TEP1: variants seen among roughly 807,000 people sequenced by gnomAD.
TEP1 encodes the protein telomerase protein component 1.
TEP1 carries 241 observed loss-of-function variants against 306.3 expected under a neutral mutation model. That is an observed-to-expected ratio of 0.79 (90% CI 0.71 to 0.88). TEP1 has a LOEUF of 0.88. Ranked by LOEUF, TEP1 falls within the 40% of genes least tolerant of loss-of-function variation. The pLI is 0.00. For missense variants in TEP1, 3,051 were observed against 3,276.1 expected (o/e 0.93, Z 1.68); for synonymous variants, 1,289 against 1,305.5 (o/e 0.99, Z 0.27).
At chr14:20,387,561 A>C (rs879631375) in intron 18 of TEP1, among the ~76,000 whole-genome samples, 2 of 151,670 alleles carry the variant, frequency 1.3e-5, no homozygotes, top group Admixed American at 6.6e-5. Context: ...CAAAAAAAAA[A>C]AGAAATTAAG....
At position 20,383,350 on chromosome 14, in the gene TEP1, C is replaced by T; in HGVS notation, c.3871G>A (p.Val1291Ile). 1.9e-6 allele frequency: 3 copies of T among 1,604,834 alleles called. No homozygotes were observed. The highest frequency in any genetic ancestry group is 1.1e-5 in the South Asian group (1 of 89,936). The change falls in exon 27 of 55, where the codon GTA becomes ATA. Residue 1291 changes from valine to isoleucine, a missense_variant. Val to Ile is a conservative substitution (Grantham distance 29). This residue lies in a region of TEP1 where 1,540 missense variants were observed against 1,705.9 expected (regional missense o/e 0.90). Transcript: ENST00000262715. The stretch of plus-strand genomic sequence containing the variant: ...CTAGACACACTCAGCACCAGGTGTA[C>T]ACACTGTGATATTTGGGCAAAGGGG... The part of the protein sequence containing the change: ...DWIPKKLPRC[V>I]HLVLSVSSDA...
intron 42 of TEP1, 74 bp downstream of exon 42, chr14:20,376,030 G>A (rs1885153236): frequency 1.3e-6 from 2 of 1,568,822 alleles, no homozygotes; most frequent in African/African-American, 1.4e-5. Flanking sequence ...GGAAGCAATG[G>A]GAAATGGGTT....
At chr14:20,396,505 T>C (rs1878211798) in intron 10 of TEP1, 116 bp downstream of exon 10, 1 of 752,804 alleles carries the variant, frequency 1.3e-6, no homozygotes, top group East Asian at 2.8e-5. Context: ...TGGAAACAGC[T>C]TGAGGGCCGT....
Position 20,393,369 on chromosome 14 carries a change from T to A in TEP1, c.1929-1602A>T, listed in dbSNP as rs767496059. Among the ~76,000 whole-genome samples the A allele has an allele frequency of 4.6e-5, 7 of 152,220 alleles. No homozygotes were observed. The South Asian group carries it at 6.2e-4, about 13-fold the overall frequency. On this transcript the variant is annotated intron_variant, in intron 12 of 54. Coordinates refer to ENST00000262715, the MANE Select transcript of TEP1 (RefSeq NM_007110.5). The stretch of plus-strand genomic sequence containing the variant: ...TTTTTTAATCTAGCAAAATCAGTAG[T>A]CTTCCCAGCACTATCCAATAGAATT...
chr14:20,381,959 G>A lies in TEP1; in HGVS notation c.4378C>T (p.Pro1460Ser), dbSNP rs1005350165. The A allele has an allele frequency of 1.2e-5, 19 of 1,613,994 alleles. No individual in the cohort carries two copies. In the Admixed American group the frequency reaches 1.3e-4, roughly 11 times the overall value. The stretch of plus-strand genomic sequence containing the variant: ...CAGGCAAACGGGCCCATGGGGTAGG[G>A]GTCTCCACTGTTACCAGCAGCCACT... The part of the protein sequence containing the change: ...EAVAAGNSGD[P>S]YPMGPFACLV... The change falls in exon 30 of 55, where the codon CCC becomes TCC. Residue 1460 changes from proline (P) to serine (S), a missense_variant. Around this residue, in one of 3 missense-constraint regions of TEP1, gnomAD observed 1,540 missense variants for 1,705.9 expected, o/e 0.90. Transcript: ENST00000262715. The surrounding 1 kb of genome is among the most constrained non-coding windows in gnomAD (Gnocchi z 4.0).
chr14:20,378,226 G>A lies in TEP1; in HGVS notation c.5519C>T (p.Ala1840Val). Residue 1840 changes from alanine (A) to valine (V), a missense_variant, in exon 39 of 55, where the codon GCA becomes GTA. Ala to Val is a moderately conservative substitution (Grantham distance 64). Coordinates refer to ENST00000262715, the MANE Select transcript of TEP1 (RefSeq NM_007110.5). Reference protein sequence around the residue: ...DGLKVTKDLGAPGASIRTLAF... With the variant: ...DGLKVTKDLGVPGASIRTLAF... ...CAAGGTACGGATAGAGGCTCCGGGT[G>A]CCCCCAGGTCCTACACAGGGAGGTA... 6.2e-7 allele frequency: 1 copy of A among 1,613,274 alleles called. No homozygotes were observed. The highest frequency in any genetic ancestry group is 1.1e-5 in the South Asian group (1 of 91,062).
Position 20,390,958 on chromosome 14 carries a change from T to C in TEP1, c.2236A>G (p.Lys746Glu). ...CTGACCTGGACTTGAGCCTGGAGCT[T>C]GATGGCAGTCTTCAGGATGCCTTCT... is the stretch of plus-strand genomic sequence containing the variant. ...AEEGILKTAI[K>E]LQAQVQEFDE... The change falls in exon 14 of 55, where the codon AAG becomes GAG. Residue 746 changes from lysine (K) to glutamate (E), a missense_variant. Lys to Glu is a moderately conservative substitution (Grantham distance 56, BLOSUM62 1). Transcript: ENST00000262715. The C allele has an allele frequency of 6.2e-7, 1 of 1,614,096 alleles. No individual in the cohort carries two copies. Among genetic ancestry groups the C allele is most frequent in the Non-Finnish European group, 8.5e-7 (1 of 1,179,974 alleles).
chr14:20,394,769 C>A (rs1468315148), intron 12 of TEP1, among the ~76,000 whole-genome samples: 2 of 152,210 alleles, frequency 1.3e-5, no homozygotes, highest in African/African-American at 4.8e-5. Flanking sequence ...TCTGGGATTA[C>A]AGGCGTGAGC....
intron 51 of TEP1, among the ~76,000 whole-genome samples, chr14:20,370,922 A>G (rs1025888061): frequency 6.6e-6 from 1 of 152,238 alleles, no homozygotes; most frequent in African/African-American, 2.4e-5. Flanking sequence ...TCAAGATGCT[A>G]TTATTCATAG....
At chr14:20,388,362 C>A (rs1483433172) in intron 17 of TEP1, among the ~76,000 whole-genome samples, 1 of 152,164 alleles carries the variant, frequency 6.6e-6, no homozygotes, top group Non-Finnish European at 1.5e-5. Flanking sequence ...AAAGCCATCC[C>A]AGTCTGGGCT....
rs1026588405 is a variant in TEP1 at position 20,369,252 on chromosome 14, C to T, written c.7656+92G>A. On this transcript the variant is annotated intron_variant, in intron 53 of 54. Transcript: ENST00000262715. ...CTTGATCTCCTGACCTCATTATCTG[C>T]CCGCCTAGGCCTCCCAAAGTGCTGG... 6.9e-6 allele frequency: 9 copies of T among 1,308,796 alleles called. No individual in the cohort carries two copies. In the African/African-American group the frequency reaches 8.7e-5, roughly 13 times the overall value. 81.1% of individuals were successfully genotyped at this position (1,308,796 alleles called of 1,614,324 possible).
chr14:20,390,699 C>G lies in TEP1; in HGVS notation c.2316G>C (p.Leu772=). Residue 772 remains leucine (L), a synonymous_variant, in exon 15 of 55, where the codon CTG becomes CTC. Transcript: ENST00000262715. ...LNTFGKYLLS[L]AGQRVPVDRV... ...TACTCACAGGAACCCTTTGGCCAGCCAGAGACAGCAGGTATTTCCCAAAAG... is the reference window on the plus strand; with the variant it reads ...TACTCACAGGAACCCTTTGGCCAGCGAGAGACAGCAGGTATTTCCCAAAAG... 6.2e-7 allele frequency: 1 copy of G among 1,614,158 alleles called. No homozygotes were observed. The highest frequency in any genetic ancestry group is 1.1e-5 in the South Asian group (1 of 91,084).
At chr14:20,390,587 G>A (rs1260157167) in intron 15 of TEP1, 94 bp downstream of exon 15, 5 of 1,201,908 alleles carry the variant, frequency 4.2e-6, no homozygotes, top group South Asian at 1.3e-5. Context: ...GTATGTGGTT[G>A]GAGAAGTCAG....
In TEP1 at chr14:20,371,205, A is replaced by C. The variant is rs1156238053; in HGVS notation, c.7317+13T>G. ...CGAATGTTTGCTTTAGCACACACTC[A>C]AATAGGACTTACCAAGAAAGAAAGA... On this transcript the variant is annotated intron_variant, in intron 51 of 54. Coordinates refer to ENST00000262715, the MANE Select transcript of TEP1 (RefSeq NM_007110.5). 8 of 1,609,006 alleles carry C rather than the reference A, an allele frequency of 5.0e-6. No homozygotes were observed. The highest frequency in any genetic ancestry group is 4.5e-5 in the East Asian group (2 of 44,874).
rs1879704112 is a variant in TEP1 at position 20,411,886 on chromosome 14, G to A, written c.-25+1519C>T. On this transcript the variant is annotated intron_variant, in intron 1 of 54. Coordinates refer to ENST00000262715, the MANE Select transcript of TEP1 (RefSeq NM_007110.5). ...CTAGCATTTTGGGAGGCTGAGGTGG[G>A]AGAATCACTTGAGGTCAGGAGTTCA... Among the ~76,000 whole-genome samples the A allele has an allele frequency of 2.0e-5, 3 of 152,004 alleles. No individual in the cohort carries two copies. The South Asian group carries it at 6.2e-4, about 31-fold the overall frequency.
At position 20,395,947 on chromosome 14, in the gene TEP1, C is replaced by G; in HGVS notation, c.1662G>C (p.Lys554Asn). ...GAAACTGCCGACTGTGGATCACCGACTTCTAGAAAGCAAAGGAGGGAGGGG... is the reference window on the plus strand; with the variant it reads ...GAAACTGCCGACTGTGGATCACCGAGTTCTAGAAAGCAAAGGAGGGAGGGG... Reference protein sequence around the residue: ...ELILQRLQHAKSVIHSRQFPF... With the variant: ...ELILQRLQHANSVIHSRQFPF... The change falls in exon 11 of 55, where the codon AAG becomes AAC. Residue 554 changes from lysine to asparagine, a missense_variant and splice_region_variant. Physicochemically the swap from Lys to Asn is moderately conservative, Grantham distance 94. Around this residue, in one of 3 missense-constraint regions of TEP1, gnomAD observed 1,507 missense variants for 1,550.5 expected, o/e 0.97. Transcript: ENST00000262715. 6.2e-7 allele frequency: 1 copy of G among 1,613,956 alleles called. No individual in the cohort carries two copies. The highest frequency in any genetic ancestry group is 1.3e-5 in the African/African-American group (1 of 75,010).
chr14:20,373,485 T>C, intron 46 of TEP1, 22 bp downstream of exon 46: 1 of 1,614,178 alleles, frequency 6.2e-7, no homozygotes, highest in Non-Finnish European at 8.5e-7. Context: ...CTCCCTTGAC[T>C]CTGGTCCTTG....
Position 20,391,626 on chromosome 14 carries a change from C to G in TEP1, c.2070G>C (p.Arg690Ser), listed in dbSNP as rs144451613. Residue 690 changes from arginine to serine, a missense_variant, in exon 13 of 55, where the codon AGG becomes AGC. Arg to Ser is a moderately radical substitution (Grantham distance 110). Coordinates refer to ENST00000262715, the MANE Select transcript of TEP1 (RefSeq NM_007110.5). Reference protein sequence around the residue: ...LVYLTDANADRLCPKSNPQGP... With the variant: ...LVYLTDANADSLCPKSNPQGP... ...CTTGTGGGTTGCTCTTTGGACAGAG[C>G]CTGTCTGCATTAGCATCTGTCAGAT... 89 of 1,614,030 alleles carry G rather than the reference C, an allele frequency of 5.5e-5. No individual in the cohort carries two copies. In the African/African-American group the frequency reaches 1.1e-3, roughly 20 times the overall value.
intron 8 of TEP1, 92 bp from the exon 9 acceptor site, chr14:20,401,233 C>T (rs540930225): frequency 6.1e-4 from 909 of 1,480,914 alleles, no homozygotes; most frequent in Non-Finnish European, 7.7e-4. Flanking sequence ...CAGGGCATGT[C>T]TGCCCAAATA....
Sources: gnomAD v4.1 joint callset for allele counts (sites outside exome capture counted in the v4.1 genomes callset) on GRCh38, gnomAD v4.1.1 for gene constraint, gnomAD v4.1.1 regional missense constraint, Gnocchi (gnomAD v3.1) non-coding constraint, MANE v1.5 for transcripts, NCBI Gene and HGNC (gene_info 2026-07-23, HGNC 2026-07-21) for gene names.